Variants in AGAP1 observed in about 807,000 individuals in gnomAD.
The protein encoded by AGAP1 is arf-GAP with GTPase, ANK repeat and PH domain-containing protein 1.
AGAP1 carries 29 observed loss-of-function variants against 105.3 expected under a neutral mutation model. The observed-to-expected ratio is 0.28, with a 90% CI of 0.21 to 0.38. The LOEUF is 0.38. AGAP1 is among the 10% of genes least tolerant of loss of function. The pLI is 1.00. For synonymous variants in AGAP1, 509 were observed against 485.9 expected (o/e 1.05, Z -0.63); for missense variants, 998 against 1,165.1 (o/e 0.86, Z 2.09).
At chr2:235,768,705 A>G (rs1955177733) in intron 6 of AGAP1, among the ~76,000 whole-genome samples, 1 of 152,160 alleles carries the variant, frequency 6.6e-6, no homozygotes, top group Non-Finnish European at 1.5e-5. Context: ...GGGCACATTC[A>G]CAGAACCTAC....
rs1164361169 is a variant in AGAP1 at position 235,720,174 on chromosome 2, G to T, written c.310+2530G>T. Among the ~76,000 whole-genome samples the T allele has an allele frequency of 1.3e-5, 2 of 152,142 alleles. No individual in the cohort carries two copies. Among genetic ancestry groups the T allele is most frequent in the Non-Finnish European group, 2.9e-5 (2 of 68,028 alleles). ...GAAGCCGTGTTTCTTTCATACCACG[G>T]TCTTGCCATCCTGAAATTCCCTCTC... On this transcript the variant is annotated intron_variant, in intron 3 of 17. Transcript: ENST00000304032. This position sits in a 1 kb window ranked among gnomAD's most constrained non-coding sequence, Gnocchi z 5.0.
Position 235,981,747 on chromosome 2 carries a change from G to T in AGAP1, c.1645+13124G>T, listed in dbSNP as rs1359692191. 6.6e-6 allele frequency among the ~76,000 whole-genome samples: 1 copy of T among 152,170 alleles called. No individual in the cohort carries two copies. The highest frequency in any genetic ancestry group is 1.9e-4 in the East Asian group (1 of 5,194). On this transcript the variant is annotated intron_variant, in intron 13 of 17. Coordinates refer to ENST00000304032, the MANE Select transcript of AGAP1 (RefSeq NM_001037131.3). The surrounding 1 kb of genome is among the most constrained non-coding windows in gnomAD (Gnocchi z 5.5). ...ATTTTTATAACTGAGGAAACCGAGGGTCATAAAGTTTAAGTAACTTGCTCA... is the reference window on the plus strand; with the variant it reads ...ATTTTTATAACTGAGGAAACCGAGGTTCATAAAGTTTAAGTAACTTGCTCA...
intron 9 of AGAP1, among the ~76,000 whole-genome samples, chr2:235,870,237 T>A (rs2049371886): frequency 6.6e-6 from 1 of 152,194 alleles, no homozygotes; most frequent in African/African-American, 2.4e-5. Context: ...TGGATGAGGT[T>A]CCTTGCATGT....
In AGAP1 at chr2:236,044,147, C is replaced by T. The variant is rs749372526; in HGVS notation, c.1891+3306C>T. ...AATTTGGGAAACTCTTAACAACGTC[C>T]GACTCCCAGGAAGTTGCAGCCTTCG... On this transcript the variant is annotated intron_variant, in intron 15 of 17. Coordinates refer to ENST00000304032, the MANE Select transcript of AGAP1 (RefSeq NM_001037131.3). The surrounding 1 kb of genome is among the most constrained non-coding windows in gnomAD (Gnocchi z 5.7). Among the ~76,000 whole-genome samples, 5 of 152,132 alleles carry T rather than the reference C, an allele frequency of 3.3e-5. No homozygotes were observed. Among genetic ancestry groups the T allele is most frequent in the African/African-American group, 9.7e-5 (4 of 41,430 alleles).
At chr2:236,063,366 C>T (rs1177980460) in intron 16 of AGAP1, among the ~76,000 whole-genome samples, 1 of 152,200 alleles carries the variant, frequency 6.6e-6, no homozygotes, top group Non-Finnish European at 1.5e-5. Context: ...GCTGGGATTA[C>T]AGGCATGAGC....
intron 15 of AGAP1, among the ~76,000 whole-genome samples, chr2:236,048,758 CT>C (rs1461094525): frequency 2.6e-5 from 4 of 152,228 alleles, no homozygotes; most frequent in Non-Finnish European, 5.9e-5. Context: ...AAGGTGAATG[CT>C]GCTGTGACAT....
At chr2:235,826,611 A>G (rs1229972584) in intron 9 of AGAP1, among the ~76,000 whole-genome samples, 8 of 151,840 alleles carry the variant, frequency 5.3e-5, no homozygotes, top group African/African-American at 1.2e-4. Flanking sequence ...CACCACACCC[A>G]GCTAATTTTT....
intron 1 of AGAP1, among the ~76,000 whole-genome samples, chr2:235,595,173 A>G (rs546691656): frequency 6.6e-6 from 1 of 152,294 alleles, no homozygotes; most frequent in African/African-American, 2.4e-5. Context: ...GAGTAAGTGC[A>G]GCCCAGCCTC....
rs2056288942 is a variant in AGAP1 at position 236,005,394 on chromosome 2, G to C, written c.1646-31167G>C. 6.6e-6 allele frequency among the ~76,000 whole-genome samples: 1 copy of C among 152,076 alleles called. No homozygotes were observed. Among genetic ancestry groups the C allele is most frequent in the African/African-American group, 2.4e-5 (1 of 41,412 alleles). On this transcript the variant is annotated intron_variant, in intron 13 of 17. Transcript: ENST00000304032. This position sits in a 1 kb window ranked among gnomAD's most constrained non-coding sequence, Gnocchi z 4.1. ...GACCTCAAATGATCCACCCACCTCA[G>C]CCTCCCAAAGTGCTGGGATTACAGG... is the stretch of plus-strand genomic sequence containing the variant.
Position 236,009,319 on chromosome 2 carries a change from T to C in AGAP1, c.1646-27242T>C, listed in dbSNP as rs1266613682. Among the ~76,000 whole-genome samples the C allele has an allele frequency of 6.6e-6, 1 of 152,184 alleles. No individual in the cohort carries two copies. Among genetic ancestry groups the C allele is most frequent in the African/African-American group, 2.4e-5 (1 of 41,436 alleles). On this transcript the variant is annotated intron_variant, in intron 13 of 17. Transcript: ENST00000304032. The surrounding 1 kb of genome is among the most constrained non-coding windows in gnomAD (Gnocchi z 4.2). ...TCGCCACGGACAAAAGATCACGGGA[T>C]ACCGGGAGCACTAAACTGGAAGTGA...
chr2:235,852,768 G>GTCCA (rs1282280938), intron 9 of AGAP1: 1 of 1,507,372 alleles, frequency 6.6e-7, no homozygotes, highest in Non-Finnish European at 9.0e-7. Flanking sequence ...TCCTCCCCCT[G>GTCCA]GCCAGGGCCG....
chr2:235,554,867 A>G (rs980300966), intron 1 of AGAP1, among the ~76,000 whole-genome samples: 4 of 152,056 alleles, frequency 2.6e-5, no homozygotes, highest in Non-Finnish European at 5.9e-5. Flanking sequence ...ACAAGGTTTC[A>G]CCATGTTGGC....
chr2:235,762,926 G>T lies in AGAP1; in HGVS notation c.673+12438G>T, dbSNP rs567478336. 1.2e-4 allele frequency among the ~76,000 whole-genome samples: 18 copies of T among 152,274 alleles called. No individual in the cohort carries two copies. The South Asian group carries it at 3.7e-3, about 32-fold the overall frequency. ...AAAACCTTCAGTGAGTACGTTGGAT[G>T]TTGTGAAATTTGCCAAAGAGAAGAA... On this transcript the variant is annotated intron_variant, in intron 6 of 17. Coordinates refer to ENST00000304032, the MANE Select transcript of AGAP1 (RefSeq NM_001037131.3).
intron 16 of AGAP1, among the ~76,000 whole-genome samples, chr2:236,098,712 G>A (rs2059258298): frequency 2.8e-5 from 4 of 145,014 alleles, no homozygotes; most frequent in African/African-American, 7.8e-5. Flanking sequence ...GCCGCTTCCC[G>A]CTGCTGGGCT....
intron 8 of AGAP1, among the ~76,000 whole-genome samples, chr2:235,807,001 T>A (rs1281778093): frequency 6.6e-6 from 1 of 152,216 alleles, no homozygotes; most frequent in Admixed American, 6.5e-5. Context: ...TAAAAAAGAA[T>A]TAAAAGATAA....
rs1959222738 is a variant in AGAP1 at position 235,830,448 on chromosome 2, C to G, written c.1050+23117C>G. On this transcript the variant is annotated intron_variant, in intron 9 of 17. Coordinates refer to ENST00000304032, the MANE Select transcript of AGAP1 (RefSeq NM_001037131.3). This position sits in a 1 kb window ranked among gnomAD's most constrained non-coding sequence, Gnocchi z 5.5. ...GCACTTCAAAGCCGTCAGTTCCATT[C>G]ATTGTTTTTCAAAGTATTCATTTCA... is the stretch of plus-strand genomic sequence containing the variant. Among the ~76,000 whole-genome samples, 1 of 152,212 alleles carries G rather than the reference C, an allele frequency of 6.6e-6. No homozygotes were observed. Among genetic ancestry groups the G allele is most frequent in the Non-Finnish European group, 1.5e-5 (1 of 68,038 alleles).
chr2:235,769,432 T>A lies in AGAP1; in HGVS notation c.673+18944T>A, dbSNP rs1222861220. The stretch of plus-strand genomic sequence containing the variant: ...GCATTGCATCATTGGCTTATGCTAC[T>A]AAATAATGTTTTAAGGAATTGGAGT... On this transcript the variant is annotated intron_variant, in intron 6 of 17. Transcript: ENST00000304032. This position sits in a 1 kb window ranked among gnomAD's most constrained non-coding sequence, Gnocchi z 4.4. Among the ~76,000 whole-genome samples, 1 of 152,252 alleles carries A rather than the reference T, an allele frequency of 6.6e-6. No homozygotes were observed. Among genetic ancestry groups the A allele is most frequent in the Non-Finnish European group, 1.5e-5 (1 of 68,048 alleles).
chr2:235,685,683 T>C (rs1170818965), intron 1 of AGAP1, among the ~76,000 whole-genome samples: 6 of 152,068 alleles, frequency 3.9e-5, no homozygotes, highest in African/African-American at 1.2e-4. Context: ...CTTTCGATTT[T>C]TTTTACTGTA....
chr2:235,758,498 C>G lies in AGAP1; in HGVS notation c.673+8010C>G, dbSNP rs1426517204. On this transcript the variant is annotated intron_variant, in intron 6 of 17. Transcript: ENST00000304032. ...CTTGGCTGTGCACCTGTACTCATCACTGTCCCCGTCTCTACACCCTCACCC... is the reference window on the plus strand; with the variant it reads ...CTTGGCTGTGCACCTGTACTCATCAGTGTCCCCGTCTCTACACCCTCACCC... 2.0e-5 allele frequency among the ~76,000 whole-genome samples: 3 copies of G among 152,084 alleles called. No individual in the cohort carries two copies. In the East Asian group the frequency reaches 5.8e-4, roughly 29 times the overall value.
Sources: allele counts gnomAD v4.1 joint callset (sites outside exome capture counted in the v4.1 genomes callset), GRCh38; gene constraint gnomAD v4.1.1; non-coding constraint Gnocchi (gnomAD v3.1); transcripts MANE v1.5; gene names NCBI Gene and HGNC (gene_info 2026-07-23, HGNC 2026-07-21).